The following ASTN2 variants were observed in gnomAD, a reference collection of about 807,000 sequenced individuals.
The protein encoded by ASTN2 is astrotactin-2.
A neutral mutation model predicts 139.8 loss-of-function variants in ASTN2; 54 were observed. The observed-to-expected ratio is 0.39, with a 90% confidence interval of 0.31 to 0.48. The LOEUF is 0.48. ASTN2 is among the 20% of genes least tolerant of loss of function. The pLI is 0.95. For synonymous variants in ASTN2, 756 were observed against 719.5 expected (o/e 1.05, Z -0.81); for missense variants, 1,565 against 1,725.1 (o/e 0.91, Z 1.64).
intron 5 of ASTN2, among the ~76,000 whole-genome samples, chr9:117,081,080 A>G (rs1479275252): frequency 2.6e-5 from 4 of 152,158 alleles, no homozygotes; most frequent in Non-Finnish European, 4.4e-5. Flanking sequence ...AATTTGCCCA[A>G]TGGGAGCTGT....
intron 20 of ASTN2, among the ~76,000 whole-genome samples, chr9:116,443,332 G>T (rs979998081): frequency 1.3e-5 from 2 of 152,168 alleles, no homozygotes. Flanking sequence ...AGCCAGTGTG[G>T]CTGGAACAAA....
chr9:117,182,328 C>CAG (rs1754219765), intron 3 of ASTN2, among the ~76,000 whole-genome samples: 2 of 150,436 alleles, frequency 1.3e-5, no homozygotes, highest in African/African-American at 4.9e-5. Context: ...CAGACACAGA[C>CAG]ACACACACAC....
chr9:117,287,080 A>G (rs1308837666), intron 2 of ASTN2, among the ~76,000 whole-genome samples: 4 of 152,220 alleles, frequency 2.6e-5, no homozygotes, highest in African/African-American at 9.6e-5. Context: ...CATTGGAACA[A>G]TTAGATGAAA....
rs1268908385 is a variant in ASTN2 at position 117,291,471 on chromosome 9, C to T, written c.485G>A (p.Arg162Lys). The change falls in exon 2 of 23, where the codon AGA becomes AAA. Residue 162 changes from arginine (R) to lysine (K), a missense_variant. Arg to Lys is a conservative substitution (Grantham distance 26). Transcript: ENST00000313400. ...GGTGCCATTCTCCAGCCACTGCTGT[C>T]TCCAGTGCACCAGCGAGATGTCCGC... ...TAADISLVHW[R>K]QQWLENGTLY... 6.2e-7 allele frequency: 1 copy of T among 1,613,436 alleles called. No individual in the cohort carries two copies. The highest frequency in any genetic ancestry group is 1.3e-5 in the African/African-American group (1 of 74,950).
intron 3 of ASTN2, among the ~76,000 whole-genome samples, chr9:117,175,066 T>C (rs1830884157): frequency 6.6e-6 from 1 of 151,884 alleles, no homozygotes; most frequent in Non-Finnish European, 1.5e-5. Context: ...CACATGAAAA[T>C]TTAAAAAAAA....
chr9:116,775,532 G>A (rs1486739702), intron 13 of ASTN2, among the ~76,000 whole-genome samples: 1 of 118,072 alleles, frequency 8.5e-6, no homozygotes, highest in Non-Finnish European at 1.8e-5. Flanking sequence ...GAAAAGAAAG[G>A]GGGCAGGGGA....
chr9:117,346,355 C>A (rs2130872671), intron 1 of ASTN2, among the ~76,000 whole-genome samples: 1 of 152,250 alleles, frequency 6.6e-6, no homozygotes, highest in South Asian at 2.1e-4. Flanking sequence ...GGTTCAGGAT[C>A]CAGTAGAATG....
At chr9:116,682,524 G>A (rs1390875665) in intron 16 of ASTN2, among the ~76,000 whole-genome samples, 1 of 152,190 alleles carries the variant, frequency 6.6e-6, no homozygotes, top group Non-Finnish European at 1.5e-5. Flanking sequence ...TCCCATTACT[G>A]GGTATATACC....
intron 22 of ASTN2, among the ~76,000 whole-genome samples, chr9:116,429,687 T>A (rs907302451): frequency 2.0e-5 from 3 of 152,174 alleles, no homozygotes; most frequent in Non-Finnish European, 4.4e-5. Flanking sequence ...TACTGGGCAA[T>A]GGGACAGATA....
rs1041101746 is a variant in ASTN2, at chr9:116,424,711, G to A, written c.*1140C>T. ...TCATGCCTCAGCCTCCCAAGTAGCT[G>A]GGATTGATTACAGGCACGTGCCACC... On this transcript the variant is annotated 3_prime_UTR_variant, in exon 23 of 23. Coordinates refer to ENST00000313400, the MANE Select transcript of ASTN2 (RefSeq NM_001365068.1). 3.3e-5 allele frequency among the ~76,000 whole-genome samples: 5 copies of A among 151,664 alleles called. No homozygotes were observed. Among genetic ancestry groups the A allele is most frequent in the African/African-American group, 1.2e-4 (5 of 41,254 alleles).
Position 116,857,373 on chromosome 9 carries a change from CA to C in ASTN2, c.2040+6209del, listed in dbSNP as rs1402425295. On this transcript the variant is annotated intron_variant, in intron 11 of 22. Transcript: ENST00000313400. ...CACCAATCCTCTTAGAGAATTTTCA[CA>C]CAGAGAAACAAAGTGGTTTGTTCAA... 1.2e-4 allele frequency among the ~76,000 whole-genome samples: 18 copies of C among 152,302 alleles called. 1 individual carries two copies. Among genetic ancestry groups the C allele is most frequent in the Admixed American group, 1.2e-3 (18 of 15,300 alleles).
At chr9:116,662,029 T>A (rs999624887) in intron 16 of ASTN2, among the ~76,000 whole-genome samples, 4 of 150,208 alleles carry the variant, frequency 2.7e-5, no homozygotes, top group African/African-American at 4.9e-5. Flanking sequence ...GAAAAAAATA[T>A]ATATATATAA....
At chr9:116,901,111 T>TGC (rs746163251) in intron 10 of ASTN2, among the ~76,000 whole-genome samples, 1,578 of 151,892 alleles carry the variant, frequency 0.01, 21 homozygotes, top group Non-Finnish European at 0.016. Context: ...TGTGTGTGTG[T>TGC]GCGCGTGTGC....
chr9:117,155,261 C>T (rs1478602258), intron 3 of ASTN2, among the ~76,000 whole-genome samples: 1 of 151,990 alleles, frequency 6.6e-6, no homozygotes, highest in Non-Finnish European at 1.5e-5. Context: ...TCTCTATCCC[C>T]TTCCCAAACA....
At chr9:117,347,308 G>A (rs1163819245) in intron 1 of ASTN2, among the ~76,000 whole-genome samples, 2 of 151,928 alleles carry the variant, frequency 1.3e-5, no homozygotes, top group Non-Finnish European at 2.9e-5. Context: ...TACTGATAGC[G>A]CACACATAGA....
chr9:117,038,774 A>C (rs1034105070), intron 6 of ASTN2, among the ~76,000 whole-genome samples: 1 of 152,196 alleles, frequency 6.6e-6, no homozygotes, highest in Non-Finnish European at 1.5e-5. Flanking sequence ...ACGCCAACAT[A>C]TCCTGGAATG....
At chr9:116,870,981 A>C (rs1190166479) in intron 10 of ASTN2, among the ~76,000 whole-genome samples, 1 of 152,198 alleles carries the variant, frequency 6.6e-6, no homozygotes, top group Non-Finnish European at 1.5e-5. Flanking sequence ...AGCTCAGGGC[A>C]GGCACGGTGC....
Position 117,267,983 on chromosome 9 carries a change from T to C in ASTN2, c.630+23343A>G, listed in dbSNP as rs1187881385. Among the ~76,000 whole-genome samples the C allele has an allele frequency of 3.9e-5, 6 of 152,216 alleles. No individual in the cohort carries two copies. In the South Asian group the frequency reaches 1.0e-3, roughly 26 times the overall value. On this transcript the variant is annotated intron_variant, in intron 2 of 22. Coordinates refer to ENST00000313400, the MANE Select transcript of ASTN2 (RefSeq NM_001365068.1). The stretch of plus-strand genomic sequence containing the variant: ...TCTATGTGGACATAAACAATGCCAA[T>C]CATTGCATTTCATTTGATGAATGTG...
intron 19 of ASTN2, among the ~76,000 whole-genome samples, chr9:116,490,276 A>T (rs1355912567): frequency 5.2e-5 from 4 of 76,244 alleles, no homozygotes; most frequent in African/African-American, 1.8e-4. Flanking sequence ...AAAAAGTAAA[A>T]AAAAAAAAAA....
Sources: gnomAD v4.1 joint callset for allele counts (sites outside exome capture counted in the v4.1 genomes callset) on GRCh38, gnomAD v4.1.1 for gene constraint, MANE v1.5 for transcripts, NCBI Gene and HGNC (gene_info 2026-07-23, HGNC 2026-07-21) for gene names.